CNTN1: variants seen among roughly 807,000 people sequenced by gnomAD.
CNTN1 encodes the protein contactin 1, also known as contactin-1.
In CNTN1, 38 loss-of-function variants were observed where a neutral mutation model predicts 126.4. The observed-to-expected ratio is 0.30, with a 90% confidence interval of 0.23 to 0.39. The LOEUF (loss-of-function observed/expected upper bound fraction) is 0.39, where lower values mean the gene tolerates loss of function less well. Among genes scored for constraint, CNTN1 ranks in the 10% least tolerant of loss-of-function variants. The pLI, the probability that CNTN1 is intolerant of heterozygous loss-of-function variation, is 1.00. For missense variants in CNTN1, 1,009 were observed against 1,248.4 expected, an observed-to-expected ratio of 0.81 and a Z score of 2.89; for synonymous variants, 413 against 422.6, an observed-to-expected ratio of 0.98 and a Z score of 0.28.
At chr12:40,731,487 T>A (rs1249943350) in intron 1 of CNTN1, among the ~76,000 whole-genome samples, 2 of 151,882 alleles carry the variant, frequency 1.3e-5, no homozygotes, top group Non-Finnish European at 2.9e-5. Context: ...GAGCAAAAAA[T>A]CCTCAGCACA....
chr12:41,057,172 A>G (rs1310545739), intron 23 of CNTN1, among the ~76,000 whole-genome samples: 1 of 129,384 alleles, frequency 7.7e-6, no homozygotes, highest in East Asian at 2.1e-4. Flanking sequence ...TAAGATATTT[A>G]TATTATAAAT....
At chr12:40,822,148 C>T (rs1305357160) in intron 1 of CNTN1, among the ~76,000 whole-genome samples, 181 of 47,214 alleles carry the variant, frequency 3.8e-3, no homozygotes, top group South Asian at 0.012. Context: ...AAATATAAAT[C>T]TTTTTTTTTT....
intron 14 of CNTN1, among the ~76,000 whole-genome samples, chr12:40,947,290 A>T (rs983098461): frequency 2.0e-5 from 3 of 152,192 alleles, no homozygotes; most frequent in Non-Finnish European, 1.5e-5. Flanking sequence ...GATGTTAAAA[A>T]TACAAGCTCG....
At chr12:40,842,403 G>A (rs56210793) in intron 1 of CNTN1, among the ~76,000 whole-genome samples, 2,819 of 152,094 alleles carry the variant, frequency 0.019, 27 homozygotes, top group African/African-American at 0.024. Context: ...GAATTGCTAT[G>A]TTCCCAACAC....
At chr12:40,791,740 G>A (rs778184469) in intron 1 of CNTN1, among the ~76,000 whole-genome samples, 12 of 152,038 alleles carry the variant, frequency 7.9e-5, no homozygotes, top group Admixed American at 2.0e-4. Context: ...GTTAAGATAC[G>A]CAAAAATGGT....
At chr12:40,874,788 A>G (rs1435203199) in intron 1 of CNTN1, among the ~76,000 whole-genome samples, 1 of 152,212 alleles carries the variant, frequency 6.6e-6, no homozygotes, top group East Asian at 1.9e-4. Flanking sequence ...CTGCTATAGC[A>G]TAATAAATGA....
chr12:40,947,639 A>G (rs1946477095), intron 14 of CNTN1, among the ~76,000 whole-genome samples: 2 of 151,618 alleles, frequency 1.3e-5, no homozygotes, highest in Non-Finnish European at 2.9e-5. Context: ...GTAGCCCTCA[A>G]TTTTTGACAT....
At position 40,972,981 on chromosome 12, in the gene CNTN1, T is replaced by C. The variant is rs900535986; in HGVS notation, c.1805-7928T>C. Reference sequence around the variant, plus strand: ...GTGTGCTGCACCCATTAACTCATCATTTAGCATTAAGTATTTTGTTTTTTA... The same window carrying C: ...GTGTGCTGCACCCATTAACTCATCACTTAGCATTAAGTATTTTGTTTTTTA... On this transcript the variant is annotated intron_variant, in intron 15 of 23. Transcript: ENST00000551295. Among the ~76,000 whole-genome samples, 4 of 152,126 alleles carry C rather than the reference T, an allele frequency of 2.6e-5. 1 individual carries two copies. The highest frequency in any genetic ancestry group is 5.9e-5 in the Non-Finnish European group (4 of 67,990).
chr12:41,006,475 G>A lies in CNTN1; in HGVS notation c.2114-7753G>A, dbSNP rs1219572626. Among the ~76,000 whole-genome samples the A allele has an allele frequency of 6.6e-5, 10 of 152,196 alleles. No individual in the cohort carries two copies. The East Asian group carries it at 1.3e-3, about 20-fold the overall frequency. ...TTAGCTCAGGGGCTGGGTACTGGTGGGAAAAGTCTGGATGTCTTCTCTGTG... is the reference window on the plus strand; with the variant it reads ...TTAGCTCAGGGGCTGGGTACTGGTGAGAAAAGTCTGGATGTCTTCTCTGTG... On this transcript the variant is annotated intron_variant, in intron 17 of 23. Coordinates refer to ENST00000551295, the MANE Select transcript of CNTN1 (RefSeq NM_001843.4).
chr12:40,830,455 G>C (rs1941771759), intron 1 of CNTN1, among the ~76,000 whole-genome samples: 1 of 151,662 alleles, frequency 6.6e-6, no homozygotes, highest in Non-Finnish European at 1.5e-5. Flanking sequence ...AGGGCAAATG[G>C]AATGAGAGAG....
At chr12:40,996,984 G>A (rs116760570) in intron 17 of CNTN1, among the ~76,000 whole-genome samples, 50 of 152,312 alleles carry the variant, frequency 3.3e-4, no homozygotes, top group African/African-American at 1.2e-3. Flanking sequence ...TCATTATGCT[G>A]ATTGAAAGAC....
chr12:40,979,311 T>G (rs1947762266), intron 15 of CNTN1: 1 of 152,140 alleles, frequency 6.6e-6, no homozygotes, highest in African/African-American at 2.4e-5. Flanking sequence ...TGCACACACT[T>G]TCTTTCTTGG....
At chr12:40,980,471 A>G (rs2120369251) in intron 15 of CNTN1, among the ~76,000 whole-genome samples, 1 of 151,578 alleles carries the variant, frequency 6.6e-6, no homozygotes, top group Non-Finnish European at 1.5e-5. Context: ...AAAAGCCACA[A>G]AGAACAAAGA....
rs564383434 is a variant in CNTN1 at position 40,957,786 on chromosome 12, G to A, written c.1684-1328G>A. Among the ~76,000 whole-genome samples the A allele has an allele frequency of 4.6e-5, 7 of 151,958 alleles. No individual in the cohort carries two copies. In the South Asian group the frequency reaches 1.2e-3, roughly 27 times the overall value. On this transcript the variant is annotated intron_variant, in intron 14 of 23. Coordinates refer to ENST00000551295, the MANE Select transcript of CNTN1 (RefSeq NM_001843.4). ...CTAATATCAAGGATTAAGGTGTGTG[G>A]CCACTGATCAGTTCTTTATATGGAG...
At chr12:40,783,864 A>G (rs1397196825) in intron 1 of CNTN1, among the ~76,000 whole-genome samples, 1 of 152,160 alleles carries the variant, frequency 6.6e-6, no homozygotes, top group Non-Finnish European at 1.5e-5. Flanking sequence ...AATAAAATAT[A>G]GATGGAAATT....
rs1946191168 is a variant in CNTN1, at chr12:40,939,464, A to G, written c.1358A>G (p.Glu453Gly). 1 of 1,613,782 alleles carries G rather than the reference A, an allele frequency of 6.2e-7. No homozygotes were observed. The highest frequency in any genetic ancestry group is 8.5e-7 in the Non-Finnish European group (1 of 1,179,924). The change falls in exon 12 of 24, where the codon GAG becomes GGG. Residue 453 changes from glutamate to glycine, a missense_variant. By Grantham distance (98) the Glu-to-Gly change is moderately conservative. Transcript: ENST00000551295. Reference sequence around the variant, plus strand: ...AAGTTTTCATGGAGTAAAGGGACAGAGTGGCTTGTCAATAGCAGCAGGTCA... The same window carrying G: ...AAGTTTTCATGGAGTAAAGGGACAGGGTGGCTTGTCAATAGCAGCAGGTCA... ...KPKFSWSKGT[E>G]WLVNSSRILI...
intron 1 of CNTN1, among the ~76,000 whole-genome samples, chr12:40,717,456 C>T (rs966608179): frequency 4.6e-5 from 7 of 152,030 alleles, no homozygotes; most frequent in Middle Eastern, 3.2e-3. Context: ...ATTGGATTTC[C>T]GACCTAAAAA....
chr12:40,936,935 T>G (rs374615604), intron 10 of CNTN1, 30 bp downstream of exon 10: 2 of 1,611,260 alleles, frequency 1.2e-6, no homozygotes, highest in Non-Finnish European at 8.5e-7. Flanking sequence ...TTGCTGTTCC[T>G]GAGTCCCTGT....
In CNTN1 at chr12:41,070,200, C is replaced by T. The variant is rs1227095302; in HGVS notation, c.*165C>T. On this transcript the variant is annotated 3_prime_UTR_variant, in exon 24 of 24. Coordinates refer to ENST00000551295, the MANE Select transcript of CNTN1 (RefSeq NM_001843.4). ...CAACACACATGATGACTGAGGCATT[C>T]GGGAACCCCTTCATCCAAAAGAATA... is the stretch of plus-strand genomic sequence containing the variant. The T allele has an allele frequency of 2.9e-6, 2 of 680,262 alleles. No individual in the cohort carries two copies. The highest frequency in any genetic ancestry group is 1.8e-5 in the African/African-American group (1 of 55,988). The allele number at this position is 680,262 out of a possible 1,614,324, so 42.1% of individuals were successfully genotyped here. A position where few individuals can be genotyped will look rare whatever the true frequency, so the allele number is the denominator to read the frequency against.
Sources: gnomAD v4.1 joint callset for allele counts (sites outside exome capture counted in the v4.1 genomes callset) on GRCh38, gnomAD v4.1.1 for gene constraint, MANE v1.5 for transcripts, NCBI Gene and HGNC (gene_info 2026-07-23, HGNC 2026-07-21) for gene names.